Variants in NREP observed in about 807,000 individuals in gnomAD.
NREP encodes the protein neuronal regeneration-related protein.
Under a neutral mutation model 8.6 loss-of-function variants are expected in NREP, and 5 were observed. That is an observed-to-expected ratio of 0.58 (90% CI 0.30 to 1.22). The LOEUF (loss-of-function observed/expected upper bound fraction) is 1.22, where lower values mean the gene tolerates loss of function less well. Ranked by LOEUF, NREP falls within the 50% of genes most tolerant of loss-of-function variation. The pLI, the probability that NREP is intolerant of heterozygous loss-of-function variation, is 0.07. For missense variants in NREP, 86 were observed against 82.5 expected (o/e 1.04, Z -0.17); for synonymous variants, 27 against 28.0 (o/e 0.96, Z 0.11).
rs370190130 is a variant in NREP at position 111,810,560 on chromosome 5, T to C, written c.136-75053A>G. Among the ~76,000 whole-genome samples the C allele has an allele frequency of 3.3e-5, 5 of 152,350 alleles. No homozygotes were observed. In the East Asian group the frequency reaches 7.7e-4, roughly 24 times the overall value. On this transcript the variant is annotated intron_variant, in intron 2 of 3. Transcript: ENST00000395634. The stretch of plus-strand genomic sequence containing the variant: ...TACTGTCACCCTGAAAAGCTTCACA[T>C]AGATTCATTTTGCCTTCATAAAGCA...
intron 2 of NREP, among the ~76,000 whole-genome samples, chr5:111,799,592 T>A (rs187296648): frequency 4.3e-4 from 66 of 152,374 alleles, no homozygotes; most frequent in Non-Finnish European, 7.8e-4. Flanking sequence ...ATGCTTTTAA[T>A]CTGCTGTTGT....
Position 111,738,834 on chromosome 5 carries a change from A to G in NREP, c.4-3327T>C, listed in dbSNP as rs903408626. ...TTGCAGAGGCAATTAAGTTAAAATA[A>G]GGACATCATCAGGGTGGGCCCTAAT... On this transcript the variant is annotated intron_variant, in intron 2 of 3. Transcript: ENST00000257435. 1.3e-5 allele frequency: 2 copies of G among 152,356 alleles called. 1 individual carries two copies. The highest frequency in any genetic ancestry group is 6.8e-3 in the Middle Eastern group (2 of 294). The allele number at this position is 152,356 out of a possible 1,614,324, so 9.4% of individuals were successfully genotyped here. A position where few individuals can be genotyped will look rare whatever the true frequency, so the allele number is the denominator to read the frequency against.
chr5:111,780,102 G>A (rs557095561), intron 2 of NREP, among the ~76,000 whole-genome samples: 15 of 152,302 alleles, frequency 9.8e-5, no homozygotes, highest in South Asian at 8.3e-4. Context: ...CTGCCTTCCC[G>A]TGGAGAACAC....
chr5:111,800,467 T>G (rs1302150058), intron 2 of NREP, among the ~76,000 whole-genome samples: 1 of 152,246 alleles, frequency 6.6e-6, no homozygotes, highest in East Asian at 1.9e-4. Context: ...TTTCTTGAAA[T>G]TCTTCATCAT....
At chr5:111,824,348 G>C (rs974389877) in intron 2 of NREP, among the ~76,000 whole-genome samples, 2 of 152,166 alleles carry the variant, frequency 1.3e-5, no homozygotes, top group African/African-American at 4.8e-5. Context: ...CAGCCTGGAC[G>C]ACAGAGCGAG....
chr5:111,896,298 G>GTTTAA (rs1754510437), intron 2 of NREP, among the ~76,000 whole-genome samples: 1 of 152,160 alleles, frequency 6.6e-6, no homozygotes. Flanking sequence ...CGAAGTTTTG[G>GTTTAA]TTTAACAATT....
chr5:111,887,043 C>A (rs904144469), intron 2 of NREP, among the ~76,000 whole-genome samples: 2 of 151,658 alleles, frequency 1.3e-5, no homozygotes, highest in Admixed American at 6.6e-5. Flanking sequence ...CATGCCTCAC[C>A]CTCCCAAACA....
intron 2 of NREP, among the ~76,000 whole-genome samples, chr5:111,799,977 T>A (rs1297938280): frequency 6.6e-6 from 1 of 152,094 alleles, no homozygotes; most frequent in African/African-American, 2.4e-5. Context: ...TGGAGTGCGG[T>A]GGTGTGATCT....
intron 2 of NREP, among the ~76,000 whole-genome samples, chr5:111,807,622 G>T (rs1352908755): frequency 6.6e-6 from 1 of 152,096 alleles, no homozygotes; most frequent in Non-Finnish European, 1.5e-5. Flanking sequence ...ATACTAGAGT[G>T]AAAGGTAGTT....
intron 2 of NREP, among the ~76,000 whole-genome samples, chr5:111,870,575 T>G (rs1753766956): frequency 1.3e-5 from 2 of 152,218 alleles, no homozygotes; most frequent in South Asian, 4.1e-4. Context: ...AAATATTACA[T>G]AAATACAAAT....
intron 2 of NREP, among the ~76,000 whole-genome samples, chr5:111,841,865 T>C (rs1753038590): frequency 6.6e-6 from 1 of 152,170 alleles, no homozygotes; most frequent in African/African-American, 2.4e-5. Flanking sequence ...TAATGTTTCA[T>C]GCTTTTTGAA....
At chr5:111,874,742 G>A (rs1026073452) in intron 2 of NREP, among the ~76,000 whole-genome samples, 10 of 152,070 alleles carry the variant, frequency 6.6e-5, no homozygotes, top group African/African-American at 2.2e-4. Context: ...CCATTTTTAG[G>A]CTTTTTCGGT....
intron 2 of NREP, among the ~76,000 whole-genome samples, chr5:111,771,063 C>G (rs1049359807): frequency 2.6e-5 from 4 of 152,024 alleles, no homozygotes; most frequent in African/African-American, 4.8e-5. Context: ...TCATGAAGAA[C>G]ACAACAATAT....
intron 2 of NREP, among the ~76,000 whole-genome samples, chr5:111,816,134 G>T (rs973973606): frequency 6.6e-6 from 1 of 152,110 alleles, no homozygotes; most frequent in Non-Finnish European, 1.5e-5. Flanking sequence ...AATCAAAAAT[G>T]CTATTTCTGA....
intron 2 of NREP, among the ~76,000 whole-genome samples, chr5:111,743,768 A>G (rs1211316630): frequency 6.6e-6 from 1 of 152,126 alleles, no homozygotes; most frequent in East Asian, 1.9e-4. Flanking sequence ...TGCTTTTATT[A>G]GCTGGTTTGA....
chr5:111,959,629 A>C (rs1052553058), intron 2 of NREP, among the ~76,000 whole-genome samples: 6 of 152,014 alleles, frequency 3.9e-5, no homozygotes, highest in African/African-American at 1.4e-4. Context: ...CTATGGTCAA[A>C]ATTGACATGA....
intron 2 of NREP, among the ~76,000 whole-genome samples, chr5:111,877,173 G>T (rs1251567915): frequency 6.6e-6 from 1 of 152,104 alleles, no homozygotes; most frequent in Non-Finnish European, 1.5e-5. Context: ...CCTGTCACTG[G>T]AACATATCAA....
intron 2 of NREP, among the ~76,000 whole-genome samples, chr5:111,916,951 A>G (rs1755076649): frequency 6.6e-6 from 1 of 152,124 alleles, no homozygotes; most frequent in African/African-American, 2.4e-5. Context: ...AATGCTTTAG[A>G]GCAGGAAAGA....
intron 2 of NREP, among the ~76,000 whole-genome samples, chr5:111,821,875 T>G (rs1333945320): frequency 6.6e-6 from 1 of 152,188 alleles, no homozygotes; most frequent in Non-Finnish European, 1.5e-5. Flanking sequence ...AATATTTATG[T>G]ATTTTTTTTC....
Sources: allele counts gnomAD v4.1 joint callset (sites outside exome capture counted in the v4.1 genomes callset), GRCh38; gene constraint gnomAD v4.1.1; transcripts MANE v1.5; gene names NCBI Gene and HGNC (gene_info 2026-07-23, HGNC 2026-07-21).